Variants in SUGCT observed in about 807,000 individuals in gnomAD.
The protein encoded by SUGCT is succinyl-CoA:glutarate CoA-transferase.
A neutral mutation model predicts 55.0 loss-of-function variants in SUGCT; 41 were observed. That is an observed-to-expected ratio of 0.74 (90% CI 0.58 to 0.97). The LOEUF is 0.97. Among genes scored for constraint, SUGCT ranks in the 50% least tolerant of loss-of-function variants. SUGCT has a pLI of 0.00. For synonymous variants in SUGCT, 187 were observed against 200.4 expected, an observed-to-expected ratio of 0.93 and a Z score of 0.56; for missense variants, 568 against 547.8, an observed-to-expected ratio of 1.04 and a Z score of -0.37.
chr7:40,902,822 G>T, the SUGCT span, among the ~76,000 whole-genome samples: 1 of 151,920 alleles, frequency 6.6e-6, no homozygotes, highest in Admixed American at 6.6e-5. Context: ...CTCTGGCCTC[G>T]TCTTTCTGAA....
the SUGCT span, among the ~76,000 whole-genome samples, chr7:40,919,221 G>A: frequency 6.6e-6 from 1 of 152,012 alleles, no homozygotes; most frequent in Non-Finnish European, 1.5e-5. Flanking sequence ...ATTTGCTCAG[G>A]GACTACCAGA....
At chr7:40,587,008 T>C (rs1340364444) in intron 12 of SUGCT, among the ~76,000 whole-genome samples, 3 of 152,196 alleles carry the variant, frequency 2.0e-5, no homozygotes, top group African/African-American at 7.2e-5. Context: ...GAATCACAAA[T>C]GTATTATGCT....
At chr7:40,251,573 C>A (rs1790408675) in intron 7 of SUGCT, among the ~76,000 whole-genome samples, 1 of 152,198 alleles carries the variant, frequency 6.6e-6, no homozygotes, top group South Asian at 2.1e-4. Flanking sequence ...GCATCCTCCA[C>A]CCAGCCAAGG....
At chr7:40,553,802 G>A (rs1795426516) in intron 12 of SUGCT, among the ~76,000 whole-genome samples, 1 of 152,156 alleles carries the variant, frequency 6.6e-6, no homozygotes, top group African/African-American at 2.4e-5. Flanking sequence ...TGGAAATATT[G>A]AGGATGCCTC....
the SUGCT span, among the ~76,000 whole-genome samples, chr7:40,894,678 A>G: frequency 6.6e-6 from 1 of 152,338 alleles, no homozygotes; most frequent in East Asian, 1.9e-4. Flanking sequence ...TCAAAAGAAG[A>G]TATACATGTG....
chr7:40,579,431 C>A (rs1033448388), intron 12 of SUGCT, among the ~76,000 whole-genome samples: 3 of 152,132 alleles, frequency 2.0e-5, no homozygotes, highest in African/African-American at 7.2e-5. Flanking sequence ...CTTTCACCCC[C>A]ACACGTCAGG....
intron 8 of SUGCT, among the ~76,000 whole-genome samples, chr7:40,276,501 C>T (rs1455709488): frequency 1.3e-5 from 2 of 152,174 alleles, no homozygotes; most frequent in East Asian, 1.9e-4. Flanking sequence ...TACACCAGTA[C>T]TCACAAATTA....
In SUGCT at chr7:40,723,100, T is replaced by G. The variant is rs542986465; in HGVS notation, c.1090-26334T>G. 2.6e-5 allele frequency among the ~76,000 whole-genome samples: 4 copies of G among 152,266 alleles called. No homozygotes were observed. In the South Asian group the frequency reaches 8.3e-4, roughly 32 times the overall value. The stretch of plus-strand genomic sequence containing the variant: ...AAAATGACAAAGTGCTTCCAAAGCT[T>G]TGTGCTTTGTGAAACTGGAGGTCAT... On this transcript the variant is annotated intron_variant, in intron 12 of 13. Coordinates refer to ENST00000335693, the MANE Select transcript of SUGCT (RefSeq NM_001193313.2).
At chr7:40,657,509 AT>A (rs35835363) in intron 12 of SUGCT, among the ~76,000 whole-genome samples, 59 of 151,560 alleles carry the variant, frequency 3.9e-4, no homozygotes, top group African/African-American at 1.4e-3. Flanking sequence ...CGTGAGGTAG[AT>A]TTTTTTTTGA....
rs146886553 is a variant in SUGCT, at chr7:40,445,430, C to G, written c.817-3857C>G. On this transcript the variant is annotated intron_variant, in intron 9 of 13. Transcript: ENST00000335693. ...GGATAAATTCCTGGACACATACACCCTCCCAAGACTAAACCAGGAAGAAGT... is the reference window on the plus strand; with the variant it reads ...GGATAAATTCCTGGACACATACACCGTCCCAAGACTAAACCAGGAAGAAGT... Among the ~76,000 whole-genome samples, 196 of 152,226 alleles carry G rather than the reference C, an allele frequency of 1.3e-3. 1 individual carries two copies. The highest frequency in any genetic ancestry group is 4.5e-3 in the African/African-American group (187 of 41,544).
At chr7:40,349,646 C>T (rs1797508609) in intron 9 of SUGCT, among the ~76,000 whole-genome samples, 1 of 151,904 alleles carries the variant, frequency 6.6e-6, no homozygotes, top group South Asian at 2.1e-4. Flanking sequence ...CCTGGTATAC[C>T]ATCACTCATT....
At chr7:40,241,862 G>C (rs1789416419) in intron 7 of SUGCT, among the ~76,000 whole-genome samples, 1 of 148,834 alleles carries the variant, frequency 6.7e-6, no homozygotes, top group Non-Finnish European at 1.5e-5. Flanking sequence ...AGAGGTTGCA[G>C]TGAGCTGAGA....
chr7:40,621,603 T>C (rs1457048502), intron 12 of SUGCT, among the ~76,000 whole-genome samples: 4 of 152,044 alleles, frequency 2.6e-5, no homozygotes, highest in African/African-American at 9.7e-5. Context: ...TTTTCTGACA[T>C]ATGGAGCAGT....
At chr7:40,588,796 G>C (rs928532850) in intron 12 of SUGCT, among the ~76,000 whole-genome samples, 2 of 152,166 alleles carry the variant, frequency 1.3e-5, no homozygotes, top group African/African-American at 4.8e-5. Flanking sequence ...TGTGGAATTT[G>C]AGGTAATGAA....
At chr7:40,243,463 G>A (rs1789602050) in intron 7 of SUGCT, among the ~76,000 whole-genome samples, 1 of 152,084 alleles carries the variant, frequency 6.6e-6, no homozygotes, top group Admixed American at 6.6e-5. Flanking sequence ...TTAGTGGTAT[G>A]TTATGTTGCA....
chr7:40,622,286 C>T (rs1799296295), intron 12 of SUGCT, among the ~76,000 whole-genome samples: 1 of 152,206 alleles, frequency 6.6e-6, no homozygotes, highest in Non-Finnish European at 1.5e-5. Flanking sequence ...GCTTCTCATA[C>T]TTGGGCTTTG....
intron 13 of SUGCT, among the ~76,000 whole-genome samples, chr7:40,846,171 AT>A (rs1563044494): frequency 6.6e-6 from 1 of 152,184 alleles, no homozygotes; most frequent in African/African-American, 2.4e-5. Flanking sequence ...AGCTGAACCA[AT>A]TTTGTTTTCC....
chr7:40,547,240 C>T (rs1027622879), intron 12 of SUGCT, among the ~76,000 whole-genome samples: 1 of 152,056 alleles, frequency 6.6e-6, no homozygotes, highest in African/African-American at 2.4e-5. Context: ...CTTTTTGTCC[C>T]CATTCATGTC....
chr7:40,696,024 T>C (rs1784920431), intron 12 of SUGCT, among the ~76,000 whole-genome samples: 1 of 152,236 alleles, frequency 6.6e-6, no homozygotes, highest in Non-Finnish European at 1.5e-5. Flanking sequence ...GTCTACTTAC[T>C]ACTGTATACC....
Sources: allele counts gnomAD v4.1 joint callset (sites outside exome capture counted in the v4.1 genomes callset), GRCh38; gene constraint gnomAD v4.1.1; transcripts MANE v1.5; gene names NCBI Gene and HGNC (gene_info 2026-07-23, HGNC 2026-07-21).